The following PRPH2 variants were observed in gnomAD, a reference collection of about 807,000 sequenced individuals.
PRPH2 encodes peripherin 2, also known as peripherin-2.
PRPH2 carries 17 observed loss-of-function variants against 31.3 expected under a neutral mutation model. That is an observed-to-expected ratio of 0.54 (90% CI 0.37 to 0.81). PRPH2 has a LOEUF of 0.81. PRPH2 is among the 40% of genes least tolerant of loss of function. The pLI, the probability that PRPH2 is intolerant of heterozygous loss-of-function variation, is 0.00. For missense variants in PRPH2, 430 were observed against 439.7 expected, an observed-to-expected ratio of 0.98 and a Z score of 0.20; for synonymous variants, 165 against 184.4, an observed-to-expected ratio of 0.89 and a Z score of 0.85.
chr6:42,717,060 G>A (rs1211439829), intron 1 of PRPH2, among the ~76,000 whole-genome samples: 3 of 128,824 alleles, frequency 2.3e-5, no homozygotes, highest in Admixed American at 9.7e-5. Flanking sequence ...TCCTGTCTCA[G>A]CCTCCCAAAG....
chr6:42,699,507 A>C (rs1445155857), intron 2 of PRPH2, among the ~76,000 whole-genome samples: 2 of 152,164 alleles, frequency 1.3e-5, no homozygotes, highest in African/African-American at 2.4e-5. Context: ...GTGACCAGGA[A>C]ACCTCACTTT....
chr6:42,706,628 C>T (rs983684103), intron 1 of PRPH2, among the ~76,000 whole-genome samples: 2 of 151,344 alleles, frequency 1.3e-5, no homozygotes, highest in African/African-American at 2.4e-5. Flanking sequence ...AAAAATTGCA[C>T]GCGAAGAATG....
intron 2 of PRPH2, among the ~76,000 whole-genome samples, chr6:42,701,541 G>A (rs1309795448): frequency 1.3e-5 from 2 of 151,914 alleles, no homozygotes; most frequent in South Asian, 4.2e-4. Context: ...ATGCCTGCTA[G>A]GATTACAGGT....
At chr6:42,705,599 A>AAAAAAAAAAATATAT (rs1562424252) in intron 1 of PRPH2, among the ~76,000 whole-genome samples, 5 of 21,584 alleles carry the variant, frequency 2.3e-4, no homozygotes, top group Non-Finnish European at 2.5e-4. Flanking sequence ...AAAAAAAAAA[A>AAAAAAAAAAATATAT]ATATATATAT....
chr6:42,713,919 CAAAAAAAAAAA>C (rs55805454), intron 1 of PRPH2, among the ~76,000 whole-genome samples: 50 of 38,096 alleles, frequency 1.3e-3, no homozygotes, highest in Admixed American at 2.8e-3. Context: ...GACTCCATCT[CAAAAAAAAAAA>C]AAAAAAAAAA....
intron 1 of PRPH2, among the ~76,000 whole-genome samples, chr6:42,716,245 T>A (rs1034306326): frequency 2.3e-4 from 35 of 151,518 alleles, no homozygotes; most frequent in Admixed American, 1.8e-3. Flanking sequence ...CCAAATTTGA[T>A]GGGGAGAGGG....
chr6:42,709,174 C>CA (rs1299779285), intron 1 of PRPH2, among the ~76,000 whole-genome samples: 5 of 151,534 alleles, frequency 3.3e-5, no homozygotes, highest in African/African-American at 7.3e-5. Context: ...ACTAAAAATA[C>CA]AAAAAATTAG....
intron 1 of PRPH2, among the ~76,000 whole-genome samples, chr6:42,708,195 G>C (rs1189321499): frequency 6.6e-6 from 1 of 152,164 alleles, no homozygotes; most frequent in Non-Finnish European, 1.5e-5. Flanking sequence ...GCCCTCCCTG[G>C]GGAGTTGGCC....
intron 1 of PRPH2, among the ~76,000 whole-genome samples, chr6:42,710,708 C>G (rs190518789): frequency 3.3e-5 from 5 of 152,304 alleles, no homozygotes; most frequent in Admixed American, 2.6e-4. Flanking sequence ...TTCTAGGCCA[C>G]TCTCCCATAA....
intron 1 of PRPH2, among the ~76,000 whole-genome samples, chr6:42,710,585 A>G (rs1800257873): frequency 6.6e-6 from 1 of 152,164 alleles, no homozygotes; most frequent in Non-Finnish European, 1.5e-5. Context: ...CCGGCTATTT[A>G]TATCACAGCG....
chr6:42,711,605 G>A (rs1462428448), intron 1 of PRPH2, among the ~76,000 whole-genome samples: 1 of 152,176 alleles, frequency 6.6e-6, no homozygotes, highest in Non-Finnish European at 1.5e-5. Flanking sequence ...TCTGAGGGGA[G>A]ACATAGCCCA....
chr6:42,709,705 C>T (rs553542573), intron 1 of PRPH2, among the ~76,000 whole-genome samples: 12 of 152,282 alleles, frequency 7.9e-5, no homozygotes, highest in African/African-American at 2.9e-4. Context: ...GAGCATCTGG[C>T]TGCCATTGGT....
intron 1 of PRPH2, among the ~76,000 whole-genome samples, chr6:42,716,470 G>A (rs921592443): frequency 6.6e-6 from 1 of 151,112 alleles, no homozygotes; most frequent in African/African-American, 2.4e-5. Context: ...AGGCTGGAGT[G>A]CAGTGGCACA....
intron 1 of PRPH2, among the ~76,000 whole-genome samples, chr6:42,707,884 G>A (rs1041977329): frequency 3.9e-5 from 6 of 152,154 alleles, no homozygotes; most frequent in Admixed American, 2.6e-4. Context: ...GACAAGAGCC[G>A]GACAGCCTGG....
rs1474545498 is a variant in PRPH2, at chr6:42,697,704, C to G, written c.*591G>C. The G allele has an allele frequency of 6.6e-6, 1 of 152,420 alleles. No individual in the cohort carries two copies. Among genetic ancestry groups the G allele is most frequent in the African/African-American group, 2.4e-5 (1 of 41,356 alleles). The allele number at this position is 152,420 out of a possible 1,614,324, so 9.4% of individuals were successfully genotyped here. On this transcript the variant is annotated 3_prime_UTR_variant, in exon 3 of 3. Coordinates refer to ENST00000230381, the MANE Select transcript of PRPH2 (RefSeq NM_000322.5). ...TTCTCTTGCTCCATGATTAAAGAAT[C>G]CTGTTTAGAGCCCTCAATGCCTTAA... is the stretch of plus-strand genomic sequence containing the variant.
At chr6:42,713,089 A>G (rs1469304279) in intron 1 of PRPH2, among the ~76,000 whole-genome samples, 1 of 151,690 alleles carries the variant, frequency 6.6e-6, no homozygotes, top group African/African-American at 2.4e-5. Flanking sequence ...GCCAGGTATG[A>G]TGGTGGGCAC....
intron 1 of PRPH2, among the ~76,000 whole-genome samples, chr6:42,715,164 G>A (rs7769412): frequency 0.31 from 47,442 of 151,902 alleles, 7,665 homozygotes; most frequent in East Asian, 0.46. Flanking sequence ...AGTCGAGATC[G>A]TGCCACTGCA....
At chr6:42,713,746 C>A (rs1437889731) in intron 1 of PRPH2, among the ~76,000 whole-genome samples, 3 of 151,650 alleles carry the variant, frequency 2.0e-5, no homozygotes, top group Non-Finnish European at 4.4e-5. Context: ...CATGGAGAAA[C>A]CCCGTCTCTA....
intron 1 of PRPH2, among the ~76,000 whole-genome samples, chr6:42,714,781 G>A (rs1283759515): frequency 6.6e-6 from 1 of 152,152 alleles, no homozygotes; most frequent in Non-Finnish European, 1.5e-5. Flanking sequence ...ACCTCCCAAA[G>A]TGCTGGGATT....
Sources: gnomAD v4.1 joint callset for allele counts (sites outside exome capture counted in the v4.1 genomes callset) on GRCh38, gnomAD v4.1.1 for gene constraint, MANE v1.5 for transcripts, NCBI Gene and HGNC (gene_info 2026-07-23, HGNC 2026-07-21) for gene names.